The following ZNF521 variants were observed in gnomAD, a reference collection of about 807,000 sequenced individuals.
ZNF521 encodes zinc finger protein 521, also known as LYST-interacting protein 3.
Under a neutral mutation model 105.5 loss-of-function variants are expected in ZNF521, and 14 were observed. The ratio of observed to expected loss-of-function variants is 0.13; its 90% confidence interval spans 0.09 to 0.21. ZNF521 has a LOEUF of 0.21. Among genes scored for constraint, ZNF521 ranks in the 10% least tolerant of loss-of-function variants. The pLI is 1.00. For missense variants in ZNF521, 1,233 were observed against 1,629.7 expected (o/e 0.76, Z 4.19); for synonymous variants, 635 against 606.0 (o/e 1.05, Z -0.70).
At chr18:25,306,940 C>T (rs543543731) in intron 3 of ZNF521, among the ~76,000 whole-genome samples, 3 of 152,096 alleles carry the variant, frequency 2.0e-5, no homozygotes, top group East Asian at 3.9e-4. Context: ...ACAATTCTAC[C>T]CAGAAAAGTA....
chr18:25,350,783 G>T, intron 2 of ZNF521, 124 bp downstream of exon 2: 1 of 1,004,856 alleles, frequency 1.0e-6, no homozygotes, highest in South Asian at 1.6e-5. Context: ...GGGAGCGCGC[G>T]CGCCCCCGCA....
chr18:25,340,545 G>C (rs910411361), intron 2 of ZNF521, among the ~76,000 whole-genome samples: 12 of 152,082 alleles, frequency 7.9e-5, no homozygotes, highest in African/African-American at 2.7e-4. Flanking sequence ...CTATAACTCA[G>C]TCAAGTTCAC....
chr18:25,140,073 G>A (rs549730629), intron 5 of ZNF521, among the ~76,000 whole-genome samples: 1 of 152,260 alleles, frequency 6.6e-6, no homozygotes, highest in African/African-American at 2.4e-5. Flanking sequence ...TAAGCCCCTA[G>A]TTTATGGTAT....
At chr18:25,085,482 T>C (rs761841199) in intron 7 of ZNF521, among the ~76,000 whole-genome samples, 3 of 151,862 alleles carry the variant, frequency 2.0e-5, no homozygotes, top group Non-Finnish European at 2.9e-5. Flanking sequence ...GAGTGCTTGA[T>C]CTCCTAAAGA....
chr18:25,303,309 T>A (rs199926389), intron 3 of ZNF521, among the ~76,000 whole-genome samples: 4,354 of 128,416 alleles, frequency 0.034, 92 homozygotes, highest in Middle Eastern at 0.1. Context: ...TGTGTGTGTG[T>A]GAGAGAGAGA....
At chr18:25,065,795 A>T (rs145650634) in intron 7 of ZNF521, among the ~76,000 whole-genome samples, 1 of 152,234 alleles carries the variant, frequency 6.6e-6, no homozygotes, top group African/African-American at 2.4e-5. Context: ...ACAAGAACCC[A>T]AAACAAACTG....
At chr18:25,250,376 CA>C (rs1368820879) in intron 3 of ZNF521, among the ~76,000 whole-genome samples, 3 of 152,212 alleles carry the variant, frequency 2.0e-5, no homozygotes. Flanking sequence ...AAATTATCAT[CA>C]GCAACTTGTT....
At chr18:25,173,452 T>C (rs1220396662) in intron 5 of ZNF521, among the ~76,000 whole-genome samples, 4 of 152,214 alleles carry the variant, frequency 2.6e-5, no homozygotes, top group African/African-American at 4.8e-5. Context: ...TTCCCAAGGC[T>C]GCTTTCTGGT....
At chr18:25,088,214 CTTTTCTTTTT>C (rs1268965893) in intron 7 of ZNF521, among the ~76,000 whole-genome samples, 2 of 151,108 alleles carry the variant, frequency 1.3e-5, no homozygotes, top group African/African-American at 4.9e-5. Context: ...ATTTTCTTTT[CTTTTCTTTTT>C]TTTTTTTTTG....
rs1301032628 is a variant in ZNF521, at chr18:25,349,706, G to C, written c.40+1201C>G. On this transcript the variant is annotated intron_variant, in intron 2 of 7. Coordinates refer to ENST00000361524, the MANE Select transcript of ZNF521 (RefSeq NM_015461.3). ...CGGGGCCACGGGGCGCCGCGGCCCG[G>C]CAGCCAGGAGGAAGAGGATGCTGCG... 4.6e-5 allele frequency among the ~76,000 whole-genome samples: 7 copies of C among 151,682 alleles called. No individual in the cohort carries two copies. The South Asian group carries it at 8.3e-4, about 18-fold the overall frequency.
chr18:25,179,116 CTTTTTTTT>C (rs1175859497), intron 5 of ZNF521, among the ~76,000 whole-genome samples: 5 of 52,480 alleles, frequency 9.5e-5, no homozygotes, highest in African/African-American at 1.5e-4. Flanking sequence ...TTCTTTATTC[CTTTTTTTT>C]TTTTTTTTTT....
intron 5 of ZNF521, among the ~76,000 whole-genome samples, chr18:25,111,796 G>T (rs1296942545): frequency 6.6e-6 from 1 of 152,208 alleles, no homozygotes; most frequent in Non-Finnish European, 1.5e-5. Flanking sequence ...TGTCAGGCAA[G>T]CCTGACCCAG....
intron 3 of ZNF521, among the ~76,000 whole-genome samples, chr18:25,316,847 CTTTTTTTTTTTTT>C (rs200212987): frequency 1.6e-5 from 2 of 126,970 alleles, no homozygotes; most frequent in Non-Finnish European, 3.3e-5. Context: ...GCAAGTAAGA[CTTTTTTTTTTTTT>C]TTTTTTTTTT....
At chr18:25,201,339 G>C (rs2035989460) in intron 4 of ZNF521, 1 of 152,178 alleles carries the variant, frequency 6.6e-6, no homozygotes, top group Non-Finnish European at 1.5e-5. Flanking sequence ...CTGTGAACAA[G>C]AAATTTCCTC....
At chr18:25,195,049 G>A (rs1015157657) in intron 5 of ZNF521, 111 bp downstream of exon 5, 14 of 874,068 alleles carry the variant, frequency 1.6e-5, no homozygotes, top group East Asian at 5.7e-5. Flanking sequence ...CAATCATGCC[G>A]AGGAAAAACA....
At chr18:25,310,954 G>A (rs1600290359) in intron 3 of ZNF521, among the ~76,000 whole-genome samples, 2 of 152,066 alleles carry the variant, frequency 1.3e-5, no homozygotes, top group Non-Finnish European at 2.9e-5. Flanking sequence ...AATTCACCCA[G>A]GAGACACAAT....
intron 3 of ZNF521, among the ~76,000 whole-genome samples, chr18:25,274,053 ACC>A (rs1166925545): frequency 6.6e-6 from 1 of 152,102 alleles, no homozygotes; most frequent in East Asian, 1.9e-4. Flanking sequence ...GGTGGAATCT[ACC>A]TCTCCTTATC....
intron 3 of ZNF521, among the ~76,000 whole-genome samples, chr18:25,248,672 T>C (rs1236447721): frequency 6.6e-6 from 1 of 152,220 alleles, no homozygotes; most frequent in African/African-American, 2.4e-5. Flanking sequence ...ACTTAATTAG[T>C]CATTAATAAC....
In ZNF521 at chr18:25,227,485, G is replaced by C. The variant is rs2144743351; in HGVS notation, c.433C>G (p.Pro145Ala). Reference sequence around the variant, plus strand: ...CTACTGCAGTAGGTGCATTTGAAAGGCAGTTTGTCACTGTGACTCTGCTCA... The same window carrying C: ...CTACTGCAGTAGGTGCATTTGAAAGCCAGTTTGTCACTGTGACTCTGCTCA... ...HHEQSHSDKL[P>A]FKCTYCSRLF... is the part of the protein sequence containing the mutation. Residue 145 changes from proline to alanine, a missense_variant, in exon 4 of 8, where the codon CCT (proline) becomes GCT (alanine). Coordinates refer to ENST00000361524, the MANE Select transcript of ZNF521 (RefSeq NM_015461.3). The surrounding 1 kb of genome is among the most constrained non-coding windows in gnomAD (Gnocchi z 5.7). The C allele has an allele frequency of 6.2e-7, 1 of 1,614,122 alleles. No individual in the cohort carries two copies. Among genetic ancestry groups the C allele is most frequent in the East Asian group, 2.2e-5 (1 of 44,880 alleles).
Sources: gnomAD v4.1 joint callset for allele counts (sites outside exome capture counted in the v4.1 genomes callset) on GRCh38, gnomAD v4.1.1 for gene constraint, Gnocchi (gnomAD v3.1) non-coding constraint, MANE v1.5 for transcripts, NCBI Gene and HGNC (gene_info 2026-07-23, HGNC 2026-07-21) for gene names.